The following DACH1 variants were observed in gnomAD, a reference collection of about 807,000 sequenced individuals.
The protein encoded by DACH1 is dachshund family transcription factor 1.
In DACH1, 12 loss-of-function variants were observed where a neutral mutation model predicts 54.2. That is an observed-to-expected ratio of 0.22 (90% confidence interval 0.14 to 0.36). The LOEUF (loss-of-function observed/expected upper bound fraction) is 0.36. Ranked by LOEUF, DACH1 falls within the 10% of genes least tolerant of loss-of-function variation. The probability of loss-of-function intolerance (pLI) is 1.00; values close to 1 mark genes in which losing one functional copy is unlikely to be tolerated. For synonymous variants in DACH1, 386 were observed against 366.2 expected (o/e 1.05, Z -0.62); for missense variants, 805 against 929.8 (o/e 0.87, Z 1.75).
chr13:71,540,938 T>A (rs779501426), intron 6 of DACH1, among the ~76,000 whole-genome samples: 2 of 151,950 alleles, frequency 1.3e-5, no homozygotes, highest in African/African-American at 2.4e-5. Flanking sequence ...CCTTAACACA[T>A]ATACTTGTCC....
chr13:71,447,444 T>C (rs1447644332), intron 10 of DACH1, among the ~76,000 whole-genome samples: 2 of 152,224 alleles, frequency 1.3e-5, no homozygotes, highest in Admixed American at 6.5e-5. Flanking sequence ...CTAATACATA[T>C]AGACAGATGT....
At chr13:71,772,952 T>C (rs1885921406) in intron 1 of DACH1, among the ~76,000 whole-genome samples, 1 of 151,826 alleles carries the variant, frequency 6.6e-6, no homozygotes, top group African/African-American at 2.4e-5. Flanking sequence ...ATAACTATAA[T>C]AACAAAATAT....
chr13:71,667,400 A>G (rs1879909754), intron 2 of DACH1, among the ~76,000 whole-genome samples: 1 of 152,212 alleles, frequency 6.6e-6, no homozygotes, highest in African/African-American at 2.4e-5. Context: ...TGTTCAGATG[A>G]TGGGATGATA....
intron 1 of DACH1, among the ~76,000 whole-genome samples, chr13:71,709,792 T>C (rs554290817): frequency 1.3e-5 from 2 of 152,292 alleles, no homozygotes; most frequent in South Asian, 4.1e-4. Context: ...GGTCTGGAAA[T>C]GTACACCCTG....
intron 7 of DACH1, among the ~76,000 whole-genome samples, chr13:71,488,453 A>G (rs567395935): frequency 6.6e-6 from 1 of 152,282 alleles, no homozygotes; most frequent in South Asian, 2.1e-4. Flanking sequence ...ACCACATAGG[A>G]AATCCGTGGA....
At chr13:71,758,046 A>C (rs967953525) in intron 1 of DACH1, among the ~76,000 whole-genome samples, 10 of 152,146 alleles carry the variant, frequency 6.6e-5, no homozygotes, top group African/African-American at 2.4e-4. Context: ...CCAATATGAT[A>C]ATTTCAAATA....
chr13:71,551,402 G>T (rs1246649965), intron 6 of DACH1, among the ~76,000 whole-genome samples: 1 of 151,944 alleles, frequency 6.6e-6, no homozygotes, highest in Admixed American at 6.6e-5. Context: ...TGAACATTAG[G>T]TCTTATTTCA....
At chr13:71,810,181 A>G (rs1432622773) in intron 1 of DACH1, among the ~76,000 whole-genome samples, 1 of 152,208 alleles carries the variant, frequency 6.6e-6, no homozygotes, top group Non-Finnish European at 1.5e-5. Context: ...GCTGTACTAG[A>G]TAATTCAGTT....
In DACH1 at chr13:71,560,766, TACAG is replaced by T. The variant is rs200839664; in HGVS notation, c.1300-815_1300-812del. 7.8e-4 allele frequency among the ~76,000 whole-genome samples: 119 copies of T among 152,258 alleles called. No homozygotes were observed. In the East Asian group the frequency reaches 0.021, roughly 27 times the overall value. ...TCCAATTAGCTATTATAAATGGAAT[TACAG>T]ATTAAGAAAGAAGGTACCCATTGGT... is the stretch of plus-strand genomic sequence containing the variant. On this transcript the variant is annotated intron_variant, in intron 4 of 10. Coordinates refer to ENST00000613252, the MANE Select transcript of DACH1 (RefSeq NM_080759.6).
At chr13:71,752,037 A>G (rs906984863) in intron 1 of DACH1, among the ~76,000 whole-genome samples, 9 of 152,186 alleles carry the variant, frequency 5.9e-5, no homozygotes, top group African/African-American at 2.2e-4. Context: ...AAACAAAAAT[A>G]CTGACTAATG....
chr13:71,674,169 C>G (rs1041382264), intron 2 of DACH1, among the ~76,000 whole-genome samples: 2 of 152,066 alleles, frequency 1.3e-5, no homozygotes, highest in South Asian at 4.1e-4. Flanking sequence ...TAAAATAGGC[C>G]AAAATCTTCT....
chr13:71,820,763 C>T (rs1024905015), intron 1 of DACH1, among the ~76,000 whole-genome samples: 8 of 152,066 alleles, frequency 5.3e-5, no homozygotes, highest in African/African-American at 1.7e-4. Context: ...ATGACTTCCA[C>T]GGAGAAAGGA....
rs1220791089 is a variant in DACH1 at position 71,849,029 on chromosome 13, T to C, written c.848+16893A>G. On this transcript the variant is annotated intron_variant, in intron 1 of 10. Transcript: ENST00000613252. ...TCTTCTTATGACCCTACGGTGTCTA[T>C]ACATTAGTTAATCTAAAATCTAGAG... Among the ~76,000 whole-genome samples the C allele has an allele frequency of 2.0e-5, 3 of 152,224 alleles. 1 individual carries two copies. The highest frequency in any genetic ancestry group is 4.4e-5 in the Non-Finnish European group (3 of 68,040).
intron 1 of DACH1, among the ~76,000 whole-genome samples, chr13:71,743,634 G>A (rs1336364067): frequency 1.3e-5 from 2 of 152,200 alleles, no homozygotes; most frequent in Non-Finnish European, 2.9e-5. Context: ...TGCCAGGTAA[G>A]AGATGTGGGA....
rs73503509 is a variant in DACH1 at position 71,821,397 on chromosome 13, C to T, written c.848+44525G>A. The stretch of plus-strand genomic sequence containing the variant: ...TGGGTGGAGTGCACGATCCTGAGGT[C>T]CCTTCTCAGCTTGATTATTCTAAGA... On this transcript the variant is annotated intron_variant, in intron 1 of 10. Transcript: ENST00000613252. Among the ~76,000 whole-genome samples the T allele has an allele frequency of 8.2e-3, 595 of 72,800 alleles. 1 individual carries two copies. Among genetic ancestry groups the T allele is most frequent in the African/African-American group, 0.025 (578 of 23,536 alleles). 47.8% of individuals were successfully genotyped at this position (72,800 alleles called of 152,430 possible).
intron 4 of DACH1, among the ~76,000 whole-genome samples, chr13:71,566,517 G>A (rs1466288502): frequency 1.3e-5 from 2 of 152,050 alleles, no homozygotes; most frequent in Non-Finnish European, 2.9e-5. Flanking sequence ...TATGGAAAAG[G>A]CAGGAAAAAT....
chr13:71,553,742 G>T (rs1884057243), intron 6 of DACH1, among the ~76,000 whole-genome samples: 2 of 149,402 alleles, frequency 1.3e-5, no homozygotes, highest in African/African-American at 4.9e-5. Context: ...TTTTTAAAAT[G>T]GAATGAATTT....
intron 1 of DACH1, among the ~76,000 whole-genome samples, chr13:71,690,559 T>C (rs1270088207): frequency 6.6e-6 from 1 of 152,214 alleles, no homozygotes; most frequent in Non-Finnish European, 1.5e-5. Context: ...GGGAAAACGT[T>C]AATACTATAT....
intron 6 of DACH1, among the ~76,000 whole-genome samples, chr13:71,512,488 T>C (rs980914447): frequency 1.3e-5 from 2 of 151,794 alleles, no homozygotes; most frequent in African/African-American, 4.8e-5. Flanking sequence ...GAAAGTAAAA[T>C]GTCAACTCTG....
Sources: allele counts gnomAD v4.1 joint callset (sites outside exome capture counted in the v4.1 genomes callset), GRCh38; gene constraint gnomAD v4.1.1; transcripts MANE v1.5; gene names NCBI Gene and HGNC (gene_info 2026-07-23, HGNC 2026-07-21).